The following PCLO variants were observed in gnomAD, a reference collection of about 807,000 sequenced individuals.
PCLO encodes protein piccolo.
Under a neutral mutation model 427.5 loss-of-function variants are expected in PCLO, and 82 were observed. That is an observed-to-expected ratio of 0.19 (90% CI 0.16 to 0.23). The LOEUF is 0.23. PCLO is among the 10% of genes least tolerant of loss of function. The pLI, the probability that PCLO is intolerant of heterozygous loss-of-function variation, is 1.00. For missense variants in PCLO, 6,239 were observed against 6,115.9 expected, an observed-to-expected ratio of 1.02 and a Z score of -0.67; for synonymous variants, 2,357 against 2,155.4, an observed-to-expected ratio of 1.09 and a Z score of -2.59.
In PCLO at chr7:82,845,321, C is replaced by A. The variant is rs772684655; in HGVS notation, c.13996G>T (p.Gly4666Trp). The A allele has an allele frequency of 1.9e-6, 3 of 1,613,472 alleles. No homozygotes were observed. Among genetic ancestry groups the A allele is most frequent in the Non-Finnish European group, 2.5e-6 (3 of 1,179,668 alleles). Residue 4666 changes from glycine to tryptophan, a missense_variant, in exon 13 of 25, where the codon GGG becomes TGG. Physicochemically the swap from Gly to Trp is radical, Grantham distance 184. This residue lies in a region of PCLO where 877 missense variants were observed against 925.5 expected (regional missense o/e 0.95). Coordinates refer to ENST00000333891, the MANE Select transcript of PCLO (RefSeq NM_033026.6). ...SAGSSSVPSPGQPGSPSVSKK... is the reference protein window; with the variant it reads ...SAGSSSVPSPWQPGSPSVSKK... ...CTCACTGAGGGGGACCCTGGTTGCC[C>A]AGGGCTGGGAACGGAACTGGATCCT... is the stretch of plus-strand genomic sequence containing the variant.
chr7:82,819,985 C>T (rs1409767152), intron 20 of PCLO, among the ~76,000 whole-genome samples: 3 of 151,742 alleles, frequency 2.0e-5, no homozygotes, highest in Admixed American at 6.6e-5. Flanking sequence ...GTATAATCAC[C>T]CTAGCTTCAT....
chr7:82,952,430 G>A lies in PCLO; in HGVS notation c.8523C>T (p.Asp2841=). The A allele has an allele frequency of 3.1e-6, 5 of 1,613,888 alleles. No homozygotes were observed. Among genetic ancestry groups the A allele is most frequent in the Non-Finnish European group, 4.2e-6 (5 of 1,179,828 alleles). ...CTTCCCTAGCTATAGGAAAGACCTG[G>A]TCACTTGGTATCCTGTATGGGGGCT... ...HAEPPYRIPS[D]QVFPIAREEA... is the part of the protein sequence containing the mutation. The change falls in exon 5 of 25, where the codon GAC becomes GAT. Residue 2841 remains aspartate, a synonymous_variant. Transcript: ENST00000333891.
intron 3 of PCLO, among the ~76,000 whole-genome samples, chr7:83,094,023 T>TGA (rs1790462326): frequency 6.6e-6 from 1 of 151,716 alleles, no homozygotes; most frequent in African/African-American, 2.4e-5. Flanking sequence ...ATCACCACAA[T>TGA]GACCCTCGTG....
chr7:82,843,537 TA>T (rs996480628), intron 13 of PCLO, among the ~76,000 whole-genome samples: 35 of 152,056 alleles, frequency 2.3e-4, no homozygotes, highest in African/African-American at 8.0e-4. Flanking sequence ...AGAGTAGATT[TA>T]AAAAAAATTT....
chr7:82,810,493 A>G (rs988150019), intron 20 of PCLO, among the ~76,000 whole-genome samples: 7 of 151,534 alleles, frequency 4.6e-5, no homozygotes, highest in African/African-American at 1.7e-4. Flanking sequence ...CTATAAATAT[A>G]TGATAGAATC....
intron 22 of PCLO, among the ~76,000 whole-genome samples, chr7:82,787,902 A>T (rs952121206): frequency 1.3e-5 from 2 of 152,140 alleles, no homozygotes; most frequent in African/African-American, 4.8e-5. Context: ...GACTATCAAA[A>T]GTAATAAACA....
chr7:82,977,580 T>G (rs1388508417), intron 3 of PCLO, among the ~76,000 whole-genome samples: 1 of 151,618 alleles, frequency 6.6e-6, no homozygotes, highest in African/African-American at 2.4e-5. Flanking sequence ...ACCCAGCTAA[T>G]TTTTTGTATT....
chr7:82,902,581 A>G (rs1166202977), intron 9 of PCLO, 70 bp downstream of exon 9: 1 of 866,450 alleles, frequency 1.2e-6, no homozygotes, highest in Non-Finnish European at 1.8e-6. Context: ...TATAATAATA[A>G]AAAAATGCAA....
Position 82,900,200 on chromosome 7 carries a change from A to G in PCLO, c.13528+2451T>C, listed in dbSNP as rs1794004808. On this transcript the variant is annotated intron_variant, in intron 9 of 24. Transcript: ENST00000333891. The stretch of plus-strand genomic sequence containing the variant: ...GAAAACAACATTAGACTCCTAATCA[A>G]TTCATTCTCTATGAAAATAAAGAAG... Among the ~76,000 whole-genome samples the G allele has an allele frequency of 3.3e-5, 5 of 151,684 alleles. No individual in the cohort carries two copies. The South Asian group carries it at 1.0e-3, about 31-fold the overall frequency.
intron 3 of PCLO, among the ~76,000 whole-genome samples, chr7:83,092,337 C>G (rs1314685288): frequency 1.3e-5 from 2 of 152,150 alleles, no homozygotes; most frequent in Non-Finnish European, 2.9e-5. Context: ...GCCATTATCC[C>G]TTATTCATAT....
intron 3 of PCLO, among the ~76,000 whole-genome samples, chr7:83,073,656 C>T (rs1370142306): frequency 2.6e-5 from 4 of 151,832 alleles, no homozygotes; most frequent in Non-Finnish European, 4.4e-5. Flanking sequence ...TTCTAAATTG[C>T]TTAGGAAGTA....
Position 82,953,530 on chromosome 7 carries a change from C to A in PCLO, c.7423G>T (p.Val2475Phe). The change falls in exon 5 of 25, where the codon GTT becomes TTT. Residue 2475 changes from valine (V) to phenylalanine (F), a missense_variant. Transcript: ENST00000333891. The part of the protein sequence containing the change: ...TAVLRSNGLP[V>F]TRICTTAPPP... The stretch of plus-strand genomic sequence containing the variant: ...GGTGCAGTAGTACATATTCTTGTAA[C>A]AGGTAATCCATTACTTCTCAGAACA... 1 of 1,612,746 alleles carries A rather than the reference C, an allele frequency of 6.2e-7. No individual in the cohort carries two copies.
chr7:82,946,585 G>T (rs1040678155), intron 6 of PCLO, among the ~76,000 whole-genome samples: 8 of 152,074 alleles, frequency 5.3e-5, no homozygotes, highest in African/African-American at 1.7e-4. Context: ...ACGTATATCT[G>T]GGGAGATAGA....
chr7:82,963,981 T>C (rs998725878), intron 4 of PCLO, among the ~76,000 whole-genome samples: 17 of 152,086 alleles, frequency 1.1e-4, no homozygotes, highest in African/African-American at 4.1e-4. Context: ...AACTTCTTGT[T>C]TGGAATATAT....
intron 10 of PCLO, among the ~76,000 whole-genome samples, chr7:82,877,881 A>C (rs1009492885): frequency 2.0e-5 from 3 of 152,236 alleles, no homozygotes; most frequent in Non-Finnish European, 4.4e-5. Context: ...CATGTTGGCC[A>C]GGCTAGTCTT....
intron 3 of PCLO, among the ~76,000 whole-genome samples, chr7:83,121,702 CA>C (rs200484746): frequency 8.6e-5 from 13 of 150,438 alleles, no homozygotes; most frequent in Non-Finnish European, 1.5e-4. Flanking sequence ...CAAATGAAAA[CA>C]AAAAAAAGCA....
intron 6 of PCLO, among the ~76,000 whole-genome samples, chr7:82,948,929 T>G (rs1795265869): frequency 6.6e-6 from 1 of 152,150 alleles, no homozygotes; most frequent in South Asian, 2.1e-4. Context: ...AATGTTCTCT[T>G]TTGACCAGTA....
intron 9 of PCLO, chr7:82,879,992 G>C: frequency 3.1e-6 from 1 of 318,460 alleles, no homozygotes; most frequent in Non-Finnish European, 6.0e-6. Flanking sequence ...CTTTCTACAA[G>C]ACACGATAAA....
intron 16 of PCLO, among the ~76,000 whole-genome samples, chr7:82,834,774 C>T (rs925159402): frequency 2.0e-5 from 3 of 152,022 alleles, no homozygotes; most frequent in East Asian, 3.9e-4. Flanking sequence ...TATTAGAAAA[C>T]GCTCCTACTA....
Sources: allele counts gnomAD v4.1 joint callset (sites outside exome capture counted in the v4.1 genomes callset), GRCh38; gene constraint gnomAD v4.1.1; regional missense constraint gnomAD v4.1.1; transcripts MANE v1.5; gene names NCBI Gene and HGNC (gene_info 2026-07-23, HGNC 2026-07-21).